AGAP1: variants seen among roughly 807,000 people sequenced by gnomAD.
AGAP1 encodes the protein arf-GAP with GTPase, ANK repeat and PH domain-containing protein 1.
AGAP1 carries 29 observed loss-of-function variants against 105.3 expected under a neutral mutation model. The ratio of observed to expected loss-of-function variants is 0.28; its 90% CI spans 0.21 to 0.38. The LOEUF (loss-of-function observed/expected upper bound fraction) is 0.38, where lower values mean the gene tolerates loss of function less well. Among genes scored for constraint, AGAP1 ranks in the 10% least tolerant of loss-of-function variants. The pLI is 1.00. For missense variants in AGAP1, 998 were observed against 1,165.1 expected (o/e 0.86, Z 2.09); for synonymous variants, 509 against 485.9 (o/e 1.05, Z -0.63).
chr2:235,575,557 C>T (rs1944704104), intron 1 of AGAP1, among the ~76,000 whole-genome samples: 1 of 151,508 alleles, frequency 6.6e-6, no homozygotes, highest in South Asian at 2.1e-4. Context: ...ACCCGTTTGT[C>T]CTGTTGCTCT....
rs1297254915 is a variant in AGAP1 at position 236,050,286 on chromosome 2, TGTG to T, written c.2114+1009_2114+1011del. Reference sequence around the variant, plus strand: ...GTTCATTAACACTGAAAAATGAATTTGTGGTGCCACCTTTGGCTCACTGGAGAG... The same window carrying T: ...GTTCATTAACACTGAAAAATGAATTTGTGCCACCTTTGGCTCACTGGAGAG... On this transcript the variant is annotated intron_variant, in intron 16 of 17. Transcript: ENST00000304032. This position sits in a 1 kb window ranked among gnomAD's most constrained non-coding sequence, Gnocchi z 4.0. 6.6e-6 allele frequency among the ~76,000 whole-genome samples: 1 copy of T among 152,220 alleles called. No homozygotes were observed. Among genetic ancestry groups the T allele is most frequent in the Non-Finnish European group, 1.5e-5 (1 of 68,034 alleles).
At chr2:235,806,952 A>G (rs980979026) in intron 8 of AGAP1, among the ~76,000 whole-genome samples, 1 of 152,126 alleles carries the variant, frequency 6.6e-6, no homozygotes, top group East Asian at 1.9e-4. Context: ...ACTTTCCCAT[A>G]TGGCCCATTG....
chr2:235,931,763 C>T lies in AGAP1; in HGVS notation c.1483+840C>T, dbSNP rs1230372080. Among the ~76,000 whole-genome samples, 1 of 152,004 alleles carries T rather than the reference C, an allele frequency of 6.6e-6. No homozygotes were observed. Among genetic ancestry groups the T allele is most frequent in the Non-Finnish European group, 1.5e-5 (1 of 68,024 alleles). ...GACGTTTGCTTTGGGTAAACATCAT[C>T]CTTATTTCTAGTGGCTCCGCAGACG... is the stretch of plus-strand genomic sequence containing the variant. On this transcript the variant is annotated intron_variant, in intron 12 of 17. Coordinates refer to ENST00000304032, the MANE Select transcript of AGAP1 (RefSeq NM_001037131.3). This position sits in a 1 kb window ranked among gnomAD's most constrained non-coding sequence, Gnocchi z 5.6.
At chr2:235,650,978 A>G (rs879391860) in intron 1 of AGAP1, among the ~76,000 whole-genome samples, 2 of 151,916 alleles carry the variant, frequency 1.3e-5, no homozygotes, top group Admixed American at 1.3e-4. Context: ...TCAGGAGTTC[A>G]AGACTAGCCT....
chr2:235,767,319 C>T (rs759713936), intron 6 of AGAP1, among the ~76,000 whole-genome samples: 2 of 152,216 alleles, frequency 1.3e-5, no homozygotes, highest in Admixed American at 1.3e-4. Context: ...GGCCAGGCAC[C>T]TCACGTTAGC....
intron 1 of AGAP1, among the ~76,000 whole-genome samples, chr2:235,636,865 G>A (rs747363450): frequency 3.3e-5 from 5 of 152,230 alleles, no homozygotes; most frequent in Middle Eastern, 3.4e-3. Context: ...AAATTTGGAC[G>A]CAGATGCACA....
Position 235,866,799 on chromosome 2 carries a change from AC to A in AGAP1, c.1051-16545del, listed in dbSNP as rs2049191506. ...ACAGCCATCTTCTCCCTGTGTCTTC[AC>A]GTGGTCTTTCTCCGTGAGTGTCTGT... is the stretch of plus-strand genomic sequence containing the variant. On this transcript the variant is annotated intron_variant, in intron 9 of 17. Transcript: ENST00000304032. This position sits in a 1 kb window ranked among gnomAD's most constrained non-coding sequence, Gnocchi z 6.1. 6.6e-6 allele frequency among the ~76,000 whole-genome samples: 1 copy of A among 152,130 alleles called. No homozygotes were observed. The highest frequency in any genetic ancestry group is 2.1e-4 in the South Asian group (1 of 4,832).
chr2:235,531,489 C>T (rs1943043616), intron 1 of AGAP1, among the ~76,000 whole-genome samples: 1 of 152,152 alleles, frequency 6.6e-6, no homozygotes, highest in African/African-American at 2.4e-5. Context: ...TGACCCGCTC[C>T]CATGTCACCT....
intron 1 of AGAP1, among the ~76,000 whole-genome samples, chr2:235,706,449 T>C (rs191174565): frequency 2.6e-5 from 4 of 152,100 alleles, no homozygotes; most frequent in African/African-American, 9.6e-5. Context: ...AGGATGATCT[T>C]GATCTCCTGA....
intron 1 of AGAP1, among the ~76,000 whole-genome samples, chr2:235,674,143 T>C (rs1481205810): frequency 6.6e-6 from 1 of 152,220 alleles, no homozygotes. Context: ...CTATTTAGGC[T>C]CTTCCTAGTT....
In AGAP1 at chr2:235,978,129, A is replaced by T. The variant is rs1188095051; in HGVS notation, c.1645+9506A>T. 2.0e-5 allele frequency among the ~76,000 whole-genome samples: 3 copies of T among 151,978 alleles called. No homozygotes were observed. In the East Asian group the frequency reaches 5.8e-4, roughly 29 times the overall value. On this transcript the variant is annotated intron_variant, in intron 13 of 17. Coordinates refer to ENST00000304032, the MANE Select transcript of AGAP1 (RefSeq NM_001037131.3). ...GCCCTCATGGCCTCATCTAACCCTC[A>T]TCACCTCCCAAAGGCCCAGTCTCCA...
At position 235,867,536 on chromosome 2, in the gene AGAP1, AGTGTGTGTGTGTGT is replaced by A. The variant is rs61257818; in HGVS notation, c.1051-15783_1051-15770del. Reference sequence around the variant, plus strand: ...ATCATACACCTTATGCTGGTGCTGCAGTGTGTGTGTGTGTGTGTGTGTGTGTGTGTGTGTGTGTG... The same window carrying A: ...ATCATACACCTTATGCTGGTGCTGCAGTGTGTGTGTGTGTGTGTGTGTGTG... On this transcript the variant is annotated intron_variant, in intron 9 of 17. Transcript: ENST00000304032. This position sits in a 1 kb window ranked among gnomAD's most constrained non-coding sequence, Gnocchi z 5.4. Among the ~76,000 whole-genome samples the A allele has an allele frequency of 1.1e-4, 13 of 123,238 alleles. 1 individual carries two copies. Among genetic ancestry groups the A allele is most frequent in the Middle Eastern group, 7.6e-3 (2 of 264 alleles). The allele number at this position is 123,238 out of a possible 152,430, so 80.8% of individuals were successfully genotyped here.
intron 1 of AGAP1, among the ~76,000 whole-genome samples, chr2:235,682,852 C>T (rs541348052): frequency 7.3e-5 from 11 of 150,766 alleles, no homozygotes; most frequent in Non-Finnish European, 1.3e-4. Context: ...ATTCATGTTC[C>T]GGTCTGTTGC....
At chr2:235,645,761 C>T (rs960291428) in intron 1 of AGAP1, among the ~76,000 whole-genome samples, 1 of 152,134 alleles carries the variant, frequency 6.6e-6, no homozygotes, top group Non-Finnish European at 1.5e-5. Context: ...AAACAACTAG[C>T]CAGTCTCTGC....
Position 235,927,937 on chromosome 2 carries a change from A to G in AGAP1, c.1325-2828A>G, listed in dbSNP as rs2052532632. Among the ~76,000 whole-genome samples, 1 of 152,204 alleles carries G rather than the reference A, an allele frequency of 6.6e-6. No homozygotes were observed. The highest frequency in any genetic ancestry group is 1.5e-5 in the Non-Finnish European group (1 of 68,032). ...GGTATAAAATGAGGTCTGTGGACAG[A>G]TGGCATGCTTAATAATGACTTGACA... On this transcript the variant is annotated intron_variant, in intron 11 of 17. Coordinates refer to ENST00000304032, the MANE Select transcript of AGAP1 (RefSeq NM_001037131.3). This position sits in a 1 kb window ranked among gnomAD's most constrained non-coding sequence, Gnocchi z 4.4.
In AGAP1 at chr2:236,123,914, C is replaced by T. The variant is rs780427344; in HGVS notation, c.2371-5C>T. On this transcript the variant is annotated splice_polypyrimidine_tract_variant and splice_region_variant and intron_variant, in intron 17 of 17. Transcript: ENST00000304032. This position sits in a 1 kb window ranked among gnomAD's most constrained non-coding sequence, Gnocchi z 4.6. ...ATACTAATGTGGGCTCCCTTACCTC[C>T]GCAGTACGGAGTGGACGTCACGGCC... The T allele has an allele frequency of 7.4e-6, 12 of 1,612,462 alleles. No individual in the cohort carries two copies. The highest frequency in any genetic ancestry group is 1.3e-5 in the African/African-American group (1 of 74,862).
At chr2:235,584,232 A>G (rs1030053144) in intron 1 of AGAP1, among the ~76,000 whole-genome samples, 6 of 150,510 alleles carry the variant, frequency 4.0e-5, no homozygotes, top group Non-Finnish European at 8.9e-5. Context: ...GTGAAGAAAG[A>G]AGGCCTTGGG....
At chr2:235,839,757 C>T (rs945811068) in intron 9 of AGAP1, among the ~76,000 whole-genome samples, 11 of 152,174 alleles carry the variant, frequency 7.2e-5, no homozygotes, top group African/African-American at 1.9e-4. Flanking sequence ...CCTACGTGTA[C>T]CTCCTTTCCA....
At chr2:236,077,132 A>G (rs1273628403) in intron 16 of AGAP1, among the ~76,000 whole-genome samples, 3 of 86,834 alleles carry the variant, frequency 3.5e-5, no homozygotes, top group African/African-American at 5.8e-5. Flanking sequence ...AGTAGAAAAA[A>G]AAAAAAAAAA....
Sources: allele counts gnomAD v4.1 joint callset (sites outside exome capture counted in the v4.1 genomes callset), GRCh38; gene constraint gnomAD v4.1.1; non-coding constraint Gnocchi (gnomAD v3.1); transcripts MANE v1.5; gene names NCBI Gene and HGNC (gene_info 2026-07-23, HGNC 2026-07-21).